Variants in ITGA4 observed in about 807,000 individuals in gnomAD.
ITGA4 encodes the protein integrin subunit alpha 4, also known as integrin alpha-4.
Under a neutral mutation model 133.6 loss-of-function variants are expected in ITGA4, and 63 were observed. The observed-to-expected ratio is 0.47, with a 90% CI of 0.38 to 0.58. The LOEUF is 0.58. ITGA4 is among the 20% of genes least tolerant of loss of function. The pLI is 0.00. For missense variants in ITGA4, 1,076 were observed against 1,252.7 expected (o/e 0.86, Z 2.13); for synonymous variants, 483 against 438.0 (o/e 1.10, Z -1.28).
chr2:181,501,335 A>C (rs1002496746), intron 15 of ITGA4, among the ~76,000 whole-genome samples: 1 of 152,176 alleles, frequency 6.6e-6, no homozygotes, highest in African/African-American at 2.4e-5. Context: ...AACAATGGGG[A>C]GGCAAGGATG....
chr2:181,505,810 G>T (rs1447248718), intron 15 of ITGA4, among the ~76,000 whole-genome samples: 1 of 152,116 alleles, frequency 6.6e-6, no homozygotes, highest in African/African-American at 2.4e-5. Flanking sequence ...GATAGCATGT[G>T]ATTTGGTCAA....
intron 2 of ITGA4, among the ~76,000 whole-genome samples, chr2:181,461,735 C>T (rs1285111243): frequency 6.6e-6 from 1 of 151,904 alleles, no homozygotes. Flanking sequence ...TTGGAGTTAC[C>T]ACTGAAAGCA....
In ITGA4 at chr2:181,457,395, C is replaced by T. The variant is rs1448417145; in HGVS notation, c.-260C>T. 1.4e-5 allele frequency: 6 copies of T among 435,016 alleles called. No individual in the cohort carries two copies. The highest frequency in any genetic ancestry group is 1.2e-3 in the Middle Eastern group (2 of 1,640). 26.9% of individuals were successfully genotyped at this position (435,016 alleles called of 1,614,324 possible). On this transcript the variant is annotated 5_prime_UTR_variant, in exon 1 of 28. Transcript: ENST00000397033. ...GCGGCCCGTACCCGGAGAAGCAGCG[C>T]GAGCACCCGAAGCTCCCGGCTGGCG...
chr2:181,530,215 G>A (rs943863232), intron 23 of ITGA4, among the ~76,000 whole-genome samples: 2 of 152,098 alleles, frequency 1.3e-5, no homozygotes, highest in Non-Finnish European at 2.9e-5. Flanking sequence ...ATATTGTTTC[G>A]CCTATAAAGG....
intron 2 of ITGA4, among the ~76,000 whole-genome samples, chr2:181,460,050 A>G (rs529070452): frequency 2.6e-5 from 4 of 152,376 alleles, no homozygotes; most frequent in South Asian, 2.1e-4. Context: ...TGTCATAGAT[A>G]TGAATTAAAT....
intron 2 of ITGA4, among the ~76,000 whole-genome samples, chr2:181,473,976 G>A (rs529337382): frequency 4.6e-5 from 7 of 152,206 alleles, no homozygotes; most frequent in Middle Eastern, 6.8e-3. Context: ...TTAACAAACC[G>A]AAGTTCCACA....
chr2:181,475,323 T>C (rs1685650139), intron 4 of ITGA4, 35 bp downstream of exon 4: 4 of 1,533,620 alleles, frequency 2.6e-6, no homozygotes, highest in Middle Eastern at 1.7e-4. Context: ...TAGATAAAGA[T>C]AAGTAAGTGA....
At chr2:181,509,852 T>C in intron 16 of ITGA4, 45 bp downstream of exon 16, 2 of 1,402,874 alleles carry the variant, frequency 1.4e-6, no homozygotes, top group Non-Finnish European at 2.0e-6. Context: ...GGCATTTAAC[T>C]AAATTTTTAA....
Position 181,507,965 on chromosome 2 carries a change from A to AT in ITGA4, c.1696-1684dup, listed in dbSNP as rs377556208. ...AATCGAATGACAAATGCTTTCAAAGATTTTTTTTTGTTTATTTCACTGTGT... is the reference window on the plus strand; with the variant it reads ...AATCGAATGACAAATGCTTTCAAAGATTTTTTTTTTGTTTATTTCACTGTGT... On this transcript the variant is annotated intron_variant, in intron 15 of 27. Transcript: ENST00000397033. 2.1e-3 allele frequency among the ~76,000 whole-genome samples: 322 copies of AT among 151,712 alleles called. 3 individuals are homozygous for AT. The highest frequency in any genetic ancestry group is 0.014 in the Middle Eastern group (4 of 294).
chr2:181,474,810 C>T, intron 2 of ITGA4, 150 bp from the exon 3 acceptor site: 1 of 611,908 alleles, frequency 1.6e-6, no homozygotes. Flanking sequence ...TTAGTTGGCA[C>T]AGAGTAATTC....
rs957652042 is a variant in ITGA4, at chr2:181,473,798, T to A, written c.320-1162T>A. On this transcript the variant is annotated intron_variant, in intron 2 of 27. Coordinates refer to ENST00000397033, the MANE Select transcript of ITGA4 (RefSeq NM_000885.6). ...TATGGGTAACATAGTGAGACCCCCA[T>A]TGGTACCAAAATAAAAATATTAGTT... Among the ~76,000 whole-genome samples, 11 of 152,176 alleles carry A rather than the reference T, an allele frequency of 7.2e-5. 1 individual carries two copies. Among genetic ancestry groups the A allele is most frequent in the Non-Finnish European group, 1.5e-4 (10 of 68,026 alleles).
At chr2:181,534,481 G>C (rs1687012949) in intron 26 of ITGA4, 111 bp downstream of exon 26, 1 of 709,552 alleles carries the variant, frequency 1.4e-6, no homozygotes, top group Admixed American at 2.4e-5. Context: ...AGTGTGACCA[G>C]CTCATGGAGG....
chr2:181,526,176 G>C lies in ITGA4; in HGVS notation c.2339+885G>C, dbSNP rs114281105. Reference sequence around the variant, plus strand: ...CATTCACAGGAGAGTAAGACCTAGAGAATCACGAGTAAGCAAATAAAAAGT... The same window carrying C: ...CATTCACAGGAGAGTAAGACCTAGACAATCACGAGTAAGCAAATAAAAAGT... On this transcript the variant is annotated intron_variant, in intron 21 of 27. Transcript: ENST00000397033. Among the ~76,000 whole-genome samples the C allele has an allele frequency of 4.0e-3, 604 of 152,310 alleles. 7 individuals carry two copies. Among genetic ancestry groups the C allele is most frequent in the African/African-American group, 0.014 (578 of 41,576 alleles).
At chr2:181,522,417 C>T in intron 18 of ITGA4, 76 bp downstream of exon 18, 1 of 988,288 alleles carries the variant, frequency 1.0e-6, no homozygotes, top group Non-Finnish European at 1.5e-6. Context: ...TGGTAGAATT[C>T]ACTTCACTGA....
intron 27 of ITGA4, 43 bp downstream of exon 27, chr2:181,534,978 C>T: frequency 6.6e-7 from 1 of 1,518,826 alleles, no homozygotes. Context: ...CTAAAAATGA[C>T]ATTTTCTCAA....
Position 181,495,316 on chromosome 2 carries a change from A to G in ITGA4, c.1340-55A>G, listed in dbSNP as rs2105745198. 7.3e-7 allele frequency: 1 copy of G among 1,368,440 alleles called. No homozygotes were observed. Among genetic ancestry groups the G allele is most frequent in the Non-Finnish European group, 1.0e-6 (1 of 957,344 alleles). 84.8% of individuals were successfully genotyped at this position (1,368,440 alleles called of 1,614,324 possible). On this transcript the variant is annotated intron_variant, in intron 12 of 27. Coordinates refer to ENST00000397033, the MANE Select transcript of ITGA4 (RefSeq NM_000885.6). This position sits in a 1 kb window ranked among gnomAD's most constrained non-coding sequence, Gnocchi z 4.3. ...GTAGTTAAGTATTTATGGCTGAAAA[A>G]TAATTCTCTTTGACTAATGATGATC... is the stretch of plus-strand genomic sequence containing the variant.
intron 2 of ITGA4, among the ~76,000 whole-genome samples, chr2:181,471,544 T>C (rs1293342476): frequency 6.6e-6 from 1 of 152,210 alleles, no homozygotes; most frequent in Non-Finnish European, 1.5e-5. Flanking sequence ...TCTTTCAGTA[T>C]CTAAGAGTGG....
intron 10 of ITGA4, 103 bp from the exon 11 acceptor site, chr2:181,493,222 G>T: frequency 3.0e-6 from 2 of 670,212 alleles, no homozygotes; most frequent in South Asian, 1.9e-5. Flanking sequence ...TCATAAAAGA[G>T]AGTTTTCTTA....
Position 181,536,196 on chromosome 2 carries a change from T to TTTTTATAATTATGGA in ITGA4, c.*673_*687dup, listed in dbSNP as rs1310158747. ...GTGAAATTACTTCTGGATAATTATT[T>TTTTTATAATTATGGA]TTTTATAATTATGGATTTCACCATC... On this transcript the variant is annotated 3_prime_UTR_variant, in exon 28 of 28. Coordinates refer to ENST00000397033, the MANE Select transcript of ITGA4 (RefSeq NM_000885.6). The TTTTTATAATTATGGA allele has an allele frequency of 6.6e-6, 1 of 152,020 alleles. No individual in the cohort carries two copies. The highest frequency in any genetic ancestry group is 6.6e-5 in the Admixed American group (1 of 15,234). The allele number at this position is 152,020 out of a possible 1,614,324, so 9.4% of individuals were successfully genotyped here. A position where few individuals can be genotyped will look rare whatever the true frequency, so the allele number is the denominator to read the frequency against.
Sources: gnomAD v4.1 joint callset for allele counts (sites outside exome capture counted in the v4.1 genomes callset) on GRCh38, gnomAD v4.1.1 for gene constraint, Gnocchi (gnomAD v3.1) non-coding constraint, MANE v1.5 for transcripts, NCBI Gene and HGNC (gene_info 2026-07-23, HGNC 2026-07-21) for gene names.